Variants in TYW5 observed in about 807,000 individuals in gnomAD.
TYW5 encodes tRNA-yW synthesizing protein 5, also known as tRNA wybutosine-synthesizing protein 5.
In TYW5, 36 loss-of-function variants were observed where a neutral mutation model predicts 44.4. The observed-to-expected ratio is 0.81, with a 90% CI of 0.62 to 1.07. The LOEUF is 1.07. Among genes scored for constraint, TYW5 ranks in the 50% least tolerant of loss-of-function variants. TYW5 has a pLI of 0.00. For missense variants in TYW5, 354 were observed against 365.7 expected, an observed-to-expected ratio of 0.97 and a Z score of 0.26; for synonymous variants, 121 against 128.1, an observed-to-expected ratio of 0.94 and a Z score of 0.37.
chr2:199,936,580 C>G (rs1018942197), intron 5 of TYW5, 88 bp from the exon 6 acceptor site: 1 of 1,063,384 alleles, frequency 9.4e-7, no homozygotes, highest in Non-Finnish European at 1.4e-6. Context: ...ACTGCAAACC[C>G]GATCCTTTAA....
At chr2:199,953,002 A>G (rs1056723931) in intron 1 of TYW5, among the ~76,000 whole-genome samples, 2 of 152,174 alleles carry the variant, frequency 1.3e-5, no homozygotes, top group Non-Finnish European at 2.9e-5. Flanking sequence ...AGTATACCCT[A>G]ATATAAACTA....
chr2:199,945,749 C>T (rs1329760855), intron 2 of TYW5: 1 of 152,222 alleles, frequency 6.6e-6, no homozygotes, highest in African/African-American at 2.4e-5. Context: ...CAGAACAGAA[C>T]AGTGACCCTG....
intron 1 of TYW5, among the ~76,000 whole-genome samples, chr2:199,952,594 A>G (rs903625586): frequency 3.3e-5 from 5 of 152,330 alleles, no homozygotes; most frequent in Admixed American, 1.3e-4. Flanking sequence ...AATGTTGCAA[A>G]TATTTTCTCC....
intron 7 of TYW5, among the ~76,000 whole-genome samples, 175 bp from the exon 8 acceptor site, chr2:199,933,498 T>C (rs1274906468): frequency 6.6e-6 from 1 of 152,226 alleles, no homozygotes; most frequent in Non-Finnish European, 1.5e-5. Flanking sequence ...CTTTTATGAA[T>C]TGCCAACAAA....
intron 1 of TYW5, among the ~76,000 whole-genome samples, chr2:199,954,707 G>T (rs1308500927): frequency 6.6e-6 from 1 of 152,160 alleles, no homozygotes; most frequent in Non-Finnish European, 1.5e-5. Context: ...TTACAGGCGT[G>T]AGCCACCGCG....
In TYW5 at chr2:199,931,134, T is replaced by A. The variant is rs919712728; in HGVS notation, c.*1933A>T. ...AATTAATACTGCAACAGGAGCTACC[T>A]CAAATCTCTCAACAAAGATGGAATA... On this transcript the variant is annotated 3_prime_UTR_variant, in exon 8 of 8. Transcript: ENST00000354611. 1 of 152,196 alleles carries A rather than the reference T, an allele frequency of 6.6e-6. No homozygotes were observed. Among genetic ancestry groups the A allele is most frequent in the Non-Finnish European group, 1.5e-5 (1 of 68,032 alleles). 9.4% of individuals were successfully genotyped at this position (152,196 alleles called of 1,614,324 possible). A position where few individuals can be genotyped will look rare whatever the true frequency, so the allele number is the denominator to read the frequency against.
At chr2:199,948,192 T>TCCA in intron 2 of TYW5, 126 bp downstream of exon 2, 1 of 899,640 alleles carries the variant, frequency 1.1e-6, no homozygotes, top group Non-Finnish European at 1.7e-6. Flanking sequence ...AGTAAGCTAT[T>TCCA]CCATGATTAC....
intron 1 of TYW5, among the ~76,000 whole-genome samples, chr2:199,949,413 AATCT>A (rs1163577522): frequency 6.6e-6 from 1 of 152,118 alleles, no homozygotes; most frequent in Non-Finnish European, 1.5e-5. Context: ...ACTATTATCT[AATCT>A]ACAGTCCATA....
At chr2:199,950,652 ATG>A (rs1456835739) in intron 1 of TYW5, among the ~76,000 whole-genome samples, 1 of 150,932 alleles carries the variant, frequency 6.6e-6, no homozygotes, top group Non-Finnish European at 1.5e-5. Flanking sequence ...GTGTGTGTGT[ATG>A]TGTGTGTGTA....
At chr2:199,950,973 T>C (rs2077540279) in intron 1 of TYW5, among the ~76,000 whole-genome samples, 1 of 152,230 alleles carries the variant, frequency 6.6e-6, no homozygotes, top group South Asian at 2.1e-4. Context: ...ATTTATTCCT[T>C]GATTTAACCC....
intron 2 of TYW5, chr2:199,946,626 T>C (rs565445499): frequency 2.6e-5 from 4 of 152,200 alleles, no homozygotes; most frequent in Non-Finnish European, 5.9e-5. Context: ...AATCTTCCAA[T>C]GTTTGATAAG....
intron 3 of TYW5, among the ~76,000 whole-genome samples, chr2:199,941,280 ATCCTC>A (rs1342409202): frequency 6.6e-6 from 1 of 152,146 alleles, no homozygotes; most frequent in Non-Finnish European, 1.5e-5. Context: ...GACTCAAGTG[ATCCTC>A]CGGTGTTGGC....
At chr2:199,936,154 T>C in intron 6 of TYW5, 107 bp from the exon 7 acceptor site, 1 of 772,608 alleles carries the variant, frequency 1.3e-6, no homozygotes, top group Admixed American at 2.2e-5. Context: ...TCCAGTTACT[T>C]ACTGTACCAA....
At chr2:199,936,087 G>T in intron 6 of TYW5, 40 bp from the exon 7 acceptor site, 1 of 1,166,280 alleles carries the variant, frequency 8.6e-7, no homozygotes, top group Non-Finnish European at 1.3e-6. Context: ...ATTCAGCAAA[G>T]TTAGCATTTT....
intron 7 of TYW5, among the ~76,000 whole-genome samples, chr2:199,935,719 A>AACAC (rs142361195): frequency 1.2e-3 from 160 of 138,192 alleles, no homozygotes; most frequent in African/African-American, 3.0e-3. Context: ...GCCTGCTTTA[A>AACAC]ACACACACAC....
intron 7 of TYW5, among the ~76,000 whole-genome samples, chr2:199,935,447 A>T (rs1349144682): frequency 6.6e-6 from 1 of 151,790 alleles, no homozygotes; most frequent in East Asian, 2.0e-4. Context: ...GGCCCAAGAG[A>T]TCCTTCTGCC....
At chr2:199,944,582 T>C (rs1559304853) in intron 2 of TYW5, 1 of 152,324 alleles carries the variant, frequency 6.6e-6, no homozygotes, top group South Asian at 2.1e-4. Flanking sequence ...CTCTCTAGAA[T>C]CAAAAGTACT....
intron 7 of TYW5, among the ~76,000 whole-genome samples, 189 bp from the exon 8 acceptor site, chr2:199,933,512 A>T (rs2077396730): frequency 6.6e-6 from 1 of 152,252 alleles, no homozygotes; most frequent in South Asian, 2.1e-4. Flanking sequence ...CAACAAATTT[A>T]AAGTGTCAAT....
At chr2:199,935,590 C>A (rs531001941) in intron 7 of TYW5, among the ~76,000 whole-genome samples, 4 of 147,556 alleles carry the variant, frequency 2.7e-5, no homozygotes, top group African/African-American at 9.8e-5. Flanking sequence ...TCAAGCAATC[C>A]TCCCACCTTG....
Sources: allele counts gnomAD v4.1 joint callset (sites outside exome capture counted in the v4.1 genomes callset), GRCh38; gene constraint gnomAD v4.1.1; transcripts MANE v1.5; gene names NCBI Gene and HGNC (gene_info 2026-07-23, HGNC 2026-07-21).